The following CEP128 variants were observed in gnomAD, a reference collection of about 807,000 sequenced individuals.
The protein encoded by CEP128 is centrosomal protein 128kDa.
A neutral mutation model predicts 156.7 loss-of-function variants in CEP128; 132 were observed. The observed-to-expected ratio is 0.84, with a 90% CI of 0.73 to 0.97. The LOEUF (loss-of-function observed/expected upper bound fraction) is 0.97, where lower values mean the gene tolerates loss of function less well. CEP128 is among the 50% of genes least tolerant of loss of function. The probability of loss-of-function intolerance (pLI) is 0.00; values close to 1 mark genes in which losing one functional copy is unlikely to be tolerated. For synonymous variants in CEP128, 469 were observed against 448.9 expected, an observed-to-expected ratio of 1.04 and a Z score of -0.57; for missense variants, 1,252 against 1,281.9, an observed-to-expected ratio of 0.98 and a Z score of 0.36.
chr14:80,569,658 T>C lies in CEP128; in HGVS notation c.2857-10356A>G, dbSNP rs976799247. ...TCAAAAAAATATTCTTATTAGACTC[T>C]CCCTATGCCAGTTAACAGTTAAACT... On this transcript the variant is annotated intron_variant, in intron 20 of 24. Transcript: ENST00000555265. 5.9e-5 allele frequency among the ~76,000 whole-genome samples: 9 copies of C among 152,226 alleles called. 1 individual carries two copies. Among genetic ancestry groups the C allele is most frequent in the Non-Finnish European group, 1.0e-4 (7 of 68,036 alleles).
At chr14:80,935,646 CAAAAAAA>C (rs375122664) in intron 2 of CEP128, among the ~76,000 whole-genome samples, 4 of 51,608 alleles carry the variant, frequency 7.8e-5, no homozygotes, top group Admixed American at 2.9e-4. Flanking sequence ...GTCCCCCCAC[CAAAAAAA>C]AAAAAAAAAA....
intron 2 of CEP128, among the ~76,000 whole-genome samples, chr14:80,947,314 A>G (rs1312250455): frequency 1.3e-5 from 2 of 152,072 alleles, no homozygotes; most frequent in Non-Finnish European, 2.9e-5. Flanking sequence ...TTCTGCACTC[A>G]TGGCCTTAGA....
intron 21 of CEP128, among the ~76,000 whole-genome samples, chr14:80,541,450 A>T (rs1427559852): frequency 6.7e-6 from 1 of 149,924 alleles, no homozygotes; most frequent in Non-Finnish European, 1.5e-5. Flanking sequence ...TGTTAAAAAA[A>T]AAAAAAAAAA....
At chr14:80,658,558 T>C (rs764391278) in intron 19 of CEP128, among the ~76,000 whole-genome samples, 8 of 152,198 alleles carry the variant, frequency 5.3e-5, no homozygotes, top group Admixed American at 2.6e-4. Context: ...TAACTATTAC[T>C]ATATTCCAAA....
downstream of CEP128, among the ~76,000 whole-genome samples, chr14:80,495,353 G>A (rs1223829623): frequency 6.6e-6 from 1 of 152,098 alleles, no homozygotes; most frequent in East Asian, 1.9e-4. Flanking sequence ...ATCCTCAGAG[G>A]AGACAGGTCC....
At chr14:80,777,085 T>C (rs1900834211) in intron 16 of CEP128, among the ~76,000 whole-genome samples, 1 of 152,180 alleles carries the variant, frequency 6.6e-6, no homozygotes, top group South Asian at 2.1e-4. Context: ...GAACACTTAA[T>C]TAGGTAATTT....
chr14:80,528,442 T>A (rs975568057), intron 22 of CEP128, among the ~76,000 whole-genome samples: 3 of 152,144 alleles, frequency 2.0e-5, no homozygotes, highest in Non-Finnish European at 4.4e-5. Context: ...GCATGTGCCA[T>A]CACGCCCAGC....
chr14:80,833,230 C>T (rs945279187), intron 12 of CEP128, among the ~76,000 whole-genome samples: 14 of 151,214 alleles, frequency 9.3e-5, no homozygotes, highest in East Asian at 1.9e-4. Context: ...TATATTGATA[C>T]GTTTCTTGAT....
intron 23 of CEP128, among the ~76,000 whole-genome samples, chr14:80,526,263 ACT>A: frequency 6.6e-6 from 1 of 152,226 alleles, no homozygotes; most frequent in South Asian, 2.1e-4. Flanking sequence ...AGGCTGAGAA[ACT>A]CTGCTCTAAA....
chr14:80,866,066 T>C (rs902052038), intron 8 of CEP128, among the ~76,000 whole-genome samples: 2 of 152,128 alleles, frequency 1.3e-5, no homozygotes, highest in Non-Finnish European at 2.9e-5. Flanking sequence ...ACCATCCCTA[T>C]GGACCCAGTA....
At chr14:80,913,005 G>A (rs1884337544) in intron 4 of CEP128, among the ~76,000 whole-genome samples, 1 of 151,976 alleles carries the variant, frequency 6.6e-6, no homozygotes, top group Non-Finnish European at 1.5e-5. Context: ...CAATTCCAAA[G>A]GAAAGAAAAG....
chr14:80,571,764 T>C (rs1891147091), intron 20 of CEP128, among the ~76,000 whole-genome samples: 2 of 151,672 alleles, frequency 1.3e-5, no homozygotes, highest in South Asian at 2.1e-4. Flanking sequence ...ATGGAAGAAA[T>C]TGAAAGAAAA....
At chr14:80,604,756 A>G (rs1892714558) in intron 19 of CEP128, among the ~76,000 whole-genome samples, 1 of 152,080 alleles carries the variant, frequency 6.6e-6, no homozygotes, top group Admixed American at 6.6e-5. Flanking sequence ...ATCTACCACT[A>G]TATTCAAACT....
chr14:80,675,694 T>C lies in CEP128; in HGVS notation c.2806+67381A>G, dbSNP rs920937726. On this transcript the variant is annotated intron_variant, in intron 19 of 24. Coordinates refer to ENST00000555265, the MANE Select transcript of CEP128 (RefSeq NM_152446.5). Reference sequence around the variant, plus strand: ...TATCTGTAATTGGTCTCTTTGCTTTTTTGTTTTTGAAACACATTTTGATGA... The same window carrying C: ...TATCTGTAATTGGTCTCTTTGCTTTCTTGTTTTTGAAACACATTTTGATGA... Among the ~76,000 whole-genome samples the C allele has an allele frequency of 2.6e-5, 4 of 152,220 alleles. No individual in the cohort carries two copies. In the South Asian group the frequency reaches 8.3e-4, roughly 32 times the overall value.
At chr14:80,932,047 T>C (rs529121034) in intron 2 of CEP128, among the ~76,000 whole-genome samples, 2 of 152,204 alleles carry the variant, frequency 1.3e-5, no homozygotes, top group Non-Finnish European at 2.9e-5. Flanking sequence ...CTCATGATAG[T>C]AGTGAGTTCT....
intron 2 of CEP128, among the ~76,000 whole-genome samples, chr14:80,920,458 C>T (rs1019713914): frequency 3.3e-5 from 5 of 152,088 alleles, no homozygotes; most frequent in Middle Eastern, 3.2e-3. Flanking sequence ...AAGCAATATG[C>T]GTCAATTATA....
intron 19 of CEP128, among the ~76,000 whole-genome samples, chr14:80,718,211 G>A (rs1186806265): frequency 6.6e-6 from 1 of 152,178 alleles, no homozygotes. Context: ...ACACGATTCA[G>A]TAGTAATGAA....
Position 80,778,032 on chromosome 14 carries a change from T to C in CEP128, c.2226A>G (p.Glu742=). The part of the protein sequence containing the change: ...HIRTLKAESL[E]EKNMAKIHRG... ...GATGAATTTTAGCCATATTCTTCTC[T>C]TCTAAACTTTCAGCCTGAGAAAAAG... The change falls in exon 16 of 25, where the codon GAA becomes GAG. Residue 742 remains glutamate, a synonymous_variant. Transcript: ENST00000555265. The C allele has an allele frequency of 6.2e-7, 1 of 1,612,764 alleles. No homozygotes were observed. Among genetic ancestry groups the C allele is most frequent in the African/African-American group, 1.3e-5 (1 of 75,006 alleles).
chr14:80,857,081 G>A (rs1244702469), intron 9 of CEP128, among the ~76,000 whole-genome samples: 11 of 151,892 alleles, frequency 7.2e-5, no homozygotes, highest in Admixed American at 7.2e-4. Context: ...GGCTGAAGAT[G>A]AAGAAATAAT....
Sources: gnomAD v4.1 joint callset for allele counts (sites outside exome capture counted in the v4.1 genomes callset) on GRCh38, gnomAD v4.1.1 for gene constraint, MANE v1.5 for transcripts, NCBI Gene and HGNC (gene_info 2026-07-23, HGNC 2026-07-21) for gene names.